The following CERS6 variants were observed in gnomAD, a reference collection of about 807,000 sequenced individuals.
The protein encoded by CERS6 is ceramide synthase 6.
In CERS6, 26 loss-of-function variants were observed where a neutral mutation model predicts 56.8. That is an observed-to-expected ratio of 0.46 (90% confidence interval 0.34 to 0.63). The LOEUF is 0.63. CERS6 is among the 30% of genes least tolerant of loss of function. CERS6 has a pLI of 0.01. For synonymous variants in CERS6, 164 were observed against 173.3 expected, an observed-to-expected ratio of 0.95 and a Z score of 0.42; for missense variants, 415 against 467.5, an observed-to-expected ratio of 0.89 and a Z score of 1.04.
chr2:168,609,348 A>C (rs1684130129), intron 3 of CERS6, among the ~76,000 whole-genome samples: 1 of 152,234 alleles, frequency 6.6e-6, no homozygotes, highest in African/African-American at 2.4e-5. Context: ...AATCTTTGAC[A>C]GTGGGATGGA....
chr2:168,671,371 T>C (rs1685913796), intron 4 of CERS6, among the ~76,000 whole-genome samples: 1 of 152,210 alleles, frequency 6.6e-6, no homozygotes. Context: ...GTCATTTAAA[T>C]AAATATAATC....
At chr2:168,728,387 C>CTTTT (rs397872513) in intron 8 of CERS6, among the ~76,000 whole-genome samples, 7 of 97,558 alleles carry the variant, frequency 7.2e-5, no homozygotes, top group African/African-American at 1.6e-4. Flanking sequence ...TGCAACTACT[C>CTTTT]TTTTTTTTTT....
intron 8 of CERS6, among the ~76,000 whole-genome samples, chr2:168,743,198 A>G (rs1467550106): frequency 7.0e-6 from 1 of 143,862 alleles, no homozygotes; most frequent in Non-Finnish European, 1.5e-5. Flanking sequence ...GTGTGTATAT[A>G]TATATGTGTG....
chr2:168,562,597 C>T (rs1695810961), intron 3 of CERS6, among the ~76,000 whole-genome samples: 1 of 152,200 alleles, frequency 6.6e-6, no homozygotes. Context: ...TTTCTCTCCA[C>T]CCAAACATCT....
intron 1 of CERS6, among the ~76,000 whole-genome samples, chr2:168,465,797 T>C (rs1016825247): frequency 1.3e-5 from 2 of 152,136 alleles, no homozygotes; most frequent in Non-Finnish European, 2.9e-5. Flanking sequence ...TGCACAACAA[T>C]GTGAATGTAC....
intron 9 of CERS6, among the ~76,000 whole-genome samples, 183 bp from the exon 10 acceptor site, chr2:168,769,327 T>A (rs928156432): frequency 6.6e-6 from 1 of 152,208 alleles, no homozygotes; most frequent in African/African-American, 2.4e-5. Context: ...ATAAATGACT[T>A]TGTCGCCTAC....
In CERS6 at chr2:168,770,041, A is replaced by G. The variant is rs1224702834; in HGVS notation, c.*379A>G. On this transcript the variant is annotated 3_prime_UTR_variant, in exon 10 of 10. Coordinates refer to ENST00000305747, the MANE Select transcript of CERS6 (RefSeq NM_203463.3). ...CTCCCCCTTTCTCTTGCTGTAGTCCAATGTGCTATGAGCATCAGCTTACTT... is the reference window on the plus strand; with the variant it reads ...CTCCCCCTTTCTCTTGCTGTAGTCCGATGTGCTATGAGCATCAGCTTACTT... 4.0e-6 allele frequency: 1 copy of G among 247,994 alleles called. No homozygotes were observed. Among genetic ancestry groups the G allele is most frequent in the East Asian group, 1.7e-4 (1 of 5,824 alleles). The allele number at this position is 247,994 out of a possible 1,614,324, so 15.4% of individuals were successfully genotyped here. A position where few individuals can be genotyped will look rare whatever the true frequency, so the allele number is the denominator to read the frequency against.
intron 6 of CERS6, among the ~76,000 whole-genome samples, chr2:168,702,647 T>C (rs982044272): frequency 1.4e-4 from 21 of 152,208 alleles, no homozygotes; most frequent in South Asian, 4.1e-4. Flanking sequence ...AACTAATGCA[T>C]GATGTTATAA....
intron 3 of CERS6, among the ~76,000 whole-genome samples, chr2:168,581,562 T>C (rs1683410826): frequency 6.6e-6 from 1 of 152,176 alleles, no homozygotes; most frequent in African/African-American, 2.4e-5. Flanking sequence ...CTATTTCTGT[T>C]TATTATCTTC....
intron 2 of CERS6, among the ~76,000 whole-genome samples, chr2:168,547,931 G>A (rs757914212): frequency 4.6e-5 from 7 of 152,226 alleles, no homozygotes; most frequent in Admixed American, 6.5e-5. Context: ...CCTGAGAATA[G>A]TCTTGACTAA....
chr2:168,766,860 C>T (rs1204202531), intron 9 of CERS6, among the ~76,000 whole-genome samples: 1 of 152,138 alleles, frequency 6.6e-6, no homozygotes, highest in African/African-American at 2.4e-5. Flanking sequence ...GGCATCTAGT[C>T]GTGTACTATG....
At chr2:168,614,847 C>G (rs1684277466) in intron 3 of CERS6, among the ~76,000 whole-genome samples, 1 of 152,112 alleles carries the variant, frequency 6.6e-6, no homozygotes, top group African/African-American at 2.4e-5. Flanking sequence ...CATCCACTGC[C>G]TGATGCTCCC....
intron 3 of CERS6, among the ~76,000 whole-genome samples, chr2:168,613,703 T>C (rs898177743): frequency 3.3e-5 from 5 of 152,210 alleles, no homozygotes; most frequent in Admixed American, 3.3e-4. Context: ...CATGATCTCA[T>C]GTTCACCCAT....
At chr2:168,469,030 A>G (rs1470987544) in intron 1 of CERS6, among the ~76,000 whole-genome samples, 1 of 152,258 alleles carries the variant, frequency 6.6e-6, no homozygotes, top group Non-Finnish European at 1.5e-5. Flanking sequence ...CTAGTGGATT[A>G]TCTTAATTTG....
intron 8 of CERS6, among the ~76,000 whole-genome samples, chr2:168,734,145 G>T: frequency 6.6e-6 from 1 of 152,256 alleles, no homozygotes; most frequent in East Asian, 1.9e-4. Context: ...CAAAAAAAAT[G>T]TATAGAATTA....
At chr2:168,496,338 AT>A (rs760222866) in intron 1 of CERS6, among the ~76,000 whole-genome samples, 8,830 of 147,672 alleles carry the variant, frequency 0.06, 317 homozygotes, top group Non-Finnish European at 0.085. Flanking sequence ...GGAAGTCATG[AT>A]TTTTTTTTTT....
rs73018586 is a variant in CERS6 at position 168,516,249 on chromosome 2, A to G, written c.171-31347A>G. Reference sequence around the variant, plus strand: ...ACCAGACTCACCCACCATGGAATCAAGTCATAGAGTAGAACAGAACCCTAT... The same window carrying G: ...ACCAGACTCACCCACCATGGAATCAGGTCATAGAGTAGAACAGAACCCTAT... On this transcript the variant is annotated intron_variant, in intron 1 of 9. Transcript: ENST00000305747. 9.8e-3 allele frequency among the ~76,000 whole-genome samples: 1,486 copies of G among 152,292 alleles called. 23 individuals are homozygous for G. The highest frequency in any genetic ancestry group is 0.033 in the African/African-American group (1,376 of 41,542).
chr2:168,606,891 C>T (rs1441491849), intron 3 of CERS6, among the ~76,000 whole-genome samples: 3 of 152,198 alleles, frequency 2.0e-5, no homozygotes, highest in Non-Finnish European at 4.4e-5. Flanking sequence ...CCCTCTCTCT[C>T]TTGCTCCTGC....
At chr2:168,616,809 C>A (rs1279972878) in intron 3 of CERS6, among the ~76,000 whole-genome samples, 1 of 152,154 alleles carries the variant, frequency 6.6e-6, no homozygotes, top group Non-Finnish European at 1.5e-5. Flanking sequence ...ACTTCACTGA[C>A]AGCATTAGAC....
Sources: gnomAD v4.1 joint callset for allele counts (sites outside exome capture counted in the v4.1 genomes callset) on GRCh38, gnomAD v4.1.1 for gene constraint, MANE v1.5 for transcripts, NCBI Gene and HGNC (gene_info 2026-07-23, HGNC 2026-07-21) for gene names.